The following FBXL3 variants were observed in gnomAD, a reference collection of about 807,000 sequenced individuals.
FBXL3 encodes F-box/LRR-repeat protein 3.
In FBXL3, 14 loss-of-function variants were observed where a neutral mutation model predicts 37.9. That is an observed-to-expected ratio of 0.37 (90% CI 0.24 to 0.58). FBXL3 has a LOEUF of 0.58. FBXL3 is among the 20% of genes least tolerant of loss of function. FBXL3 has a pLI of 0.74. For missense variants in FBXL3, 327 were observed against 511.1 expected (o/e 0.64, Z 3.47); for synonymous variants, 194 against 180.1 (o/e 1.08, Z -0.62).
At chr13:77,012,057 C>G (rs893289226) in intron 4 of FBXL3, among the ~76,000 whole-genome samples, 14 of 152,134 alleles carry the variant, frequency 9.2e-5, no homozygotes, top group African/African-American at 3.4e-4. Context: ...GGCAAATCTA[C>G]AGAGACAGAA....
chr13:77,025,703 A>AC (rs1413129677), intron 1 of FBXL3, among the ~76,000 whole-genome samples: 1 of 151,504 alleles, frequency 6.6e-6, no homozygotes, highest in African/African-American at 2.4e-5. Flanking sequence ...AAAAAAAAAA[A>AC]AAAAAAAAAC....
intron 2 of FBXL3, 100 bp downstream of exon 2, chr13:77,021,413 G>A: frequency 1.1e-6 from 1 of 917,320 alleles, no homozygotes; most frequent in Non-Finnish European, 1.6e-6. Flanking sequence ...CATTTTCCCT[G>A]AAAAAGCAAA....
chr13:77,015,596 AAT>A lies in FBXL3; in HGVS notation c.472-18_472-17del. On this transcript the variant is annotated splice_polypyrimidine_tract_variant and intron_variant, in intron 3 of 4. Coordinates refer to ENST00000355619, the MANE Select transcript of FBXL3 (RefSeq NM_012158.4). ...TAAAGTGAGACTGAAAAGCAAAAAA[AAT>A]AAAATAAAAATTATTTCAATTTTTA... 1.4e-6 allele frequency: 2 copies of A among 1,465,618 alleles called. No homozygotes were observed. The highest frequency in any genetic ancestry group is 9.1e-7 in the Non-Finnish European group (1 of 1,102,686). The allele number at this position is 1,465,618 out of a possible 1,614,324, so 90.8% of individuals were successfully genotyped here.
Position 77,021,675 on chromosome 13 carries a change from A to C in FBXL3, c.186T>G (p.Val62=), listed in dbSNP as rs200439361. The C allele has an allele frequency of 6.2e-7, 1 of 1,614,116 alleles. No homozygotes were observed. The highest frequency in any genetic ancestry group is 8.5e-7 in the Non-Finnish European group (1 of 1,180,022). ...GAAATACCTGGTTCCAGTTGCGGCAAACTTGTGAAGCATGAGCCCGGTCAA... is the reference window on the plus strand; with the variant it reads ...GAAATACCTGGTTCCAGTTGCGGCACACTTGTGAAGCATGAGCCCGGTCAA... ...PLLDRAHASQ[V]CRNWNQVFHM... is the part of the protein sequence containing the mutation. Residue 62 remains valine (V), a synonymous_variant, in exon 2 of 5, where the codon GTT becomes GTG. Coordinates refer to ENST00000355619, the MANE Select transcript of FBXL3 (RefSeq NM_012158.4).
At chr13:77,015,026 A>C (rs1375170252) in intron 4 of FBXL3, 2 of 153,570 alleles carry the variant, frequency 1.3e-5, no homozygotes, top group African/African-American at 4.8e-5. Flanking sequence ...CTCCCTCTAC[A>C]TAGTGAGAAG....
chr13:77,019,946 G>A (rs945802134), intron 2 of FBXL3, among the ~76,000 whole-genome samples: 10 of 151,250 alleles, frequency 6.6e-5, no homozygotes, highest in African/African-American at 2.2e-4. Context: ...AAATGACCCA[G>A]CAAATCTACT....
intron 1 of FBXL3, among the ~76,000 whole-genome samples, chr13:77,024,967 T>C (rs1470643541): frequency 6.6e-6 from 1 of 152,230 alleles, no homozygotes; most frequent in African/African-American, 2.4e-5. Flanking sequence ...AATGTCAATT[T>C]TTCCAAGTTG....
Position 77,017,503 on chromosome 13 carries a change from A to G in FBXL3, c.471+1097T>C, listed in dbSNP as rs945431775. ...AATCAGAATCACCTGGACTGCTCAC[A>G]GGAAGAGAAGACTTAGAATCACCCC... On this transcript the variant is annotated intron_variant, in intron 3 of 4. Coordinates refer to ENST00000355619, the MANE Select transcript of FBXL3 (RefSeq NM_012158.4). The G allele has an allele frequency of 6.6e-5, 10 of 152,292 alleles. No homozygotes were observed. The East Asian group carries it at 1.5e-3, about 24-fold the overall frequency. 9.4% of individuals were successfully genotyped at this position (152,292 alleles called of 1,614,324 possible).
At chr13:77,016,086 CAAAA>C (rs1249397423) in intron 3 of FBXL3, 3 of 152,108 alleles carry the variant, frequency 2.0e-5, no homozygotes. Flanking sequence ...ATAAAACAAT[CAAAA>C]TAATACTTAA....
In FBXL3 at chr13:77,018,421, T is replaced by TA. The variant is rs5804888; in HGVS notation, c.471+178dup. The stretch of plus-strand genomic sequence containing the variant: ...ATACCAATTTAGAAGTATGGTGATT[T>TA]AAAAAAAAAAAAAAAAAAGCTTAAA... On this transcript the variant is annotated intron_variant, in intron 3 of 4. Coordinates refer to ENST00000355619, the MANE Select transcript of FBXL3 (RefSeq NM_012158.4). 1.2e-3 allele frequency: 355 copies of TA among 292,694 alleles called. 1 individual carries two copies. Among genetic ancestry groups the TA allele is most frequent in the South Asian group, 5.2e-3 (38 of 7,324 alleles). 18.1% of individuals were successfully genotyped at this position (292,694 alleles called of 1,614,324 possible).
At chr13:77,018,853 T>A (rs1042009386) in intron 2 of FBXL3, 131 bp from the exon 3 acceptor site, 2 of 689,692 alleles carry the variant, frequency 2.9e-6, no homozygotes, top group Non-Finnish European at 4.2e-6. Context: ...TTTATAGAAG[T>A]ATCATTACTA....
At chr13:77,018,913 A>C in intron 2 of FBXL3, 191 bp from the exon 3 acceptor site, 1 of 449,096 alleles carries the variant, frequency 2.2e-6, no homozygotes. Context: ...TCCACCCTCC[A>C]CCCTCACCTC....
intron 3 of FBXL3, chr13:77,017,919 T>C (rs929104192): frequency 6.6e-6 from 1 of 152,044 alleles, no homozygotes; most frequent in Admixed American, 6.6e-5. Flanking sequence ...GAAAAAAATA[T>C]CAAATTATTG....
chr13:77,017,447 A>T (rs1441393672), intron 3 of FBXL3: 1 of 152,134 alleles, frequency 6.6e-6, no homozygotes, highest in Non-Finnish European at 1.5e-5. Flanking sequence ...TGTAACTAGT[A>T]TTTCTTAGCG....
chr13:77,018,449 A>G, intron 3 of FBXL3, 151 bp downstream of exon 3: 1 of 526,128 alleles, frequency 1.9e-6, no homozygotes, highest in Non-Finnish European at 2.9e-6. Flanking sequence ...AGCTTAAAAA[A>G]ATACTATTTA....
intron 1 of FBXL3, among the ~76,000 whole-genome samples, chr13:77,025,664 G>A (rs1305793137): frequency 1.6e-5 from 2 of 128,942 alleles, no homozygotes; most frequent in Non-Finnish European, 3.2e-5. Flanking sequence ...CTCCAGCCTG[G>A]GTGACAAAGT....
chr13:77,025,708 A>AAAAC (rs2034825693), intron 1 of FBXL3, among the ~76,000 whole-genome samples: 1 of 151,470 alleles, frequency 6.6e-6, no homozygotes, highest in East Asian at 1.9e-4. Context: ...AAAAAAAAAA[A>AAAAC]AAAACTTTGA....
chr13:77,021,950 G>A, intron 1 of FBXL3, 89 bp from the exon 2 acceptor site: 1 of 1,021,780 alleles, frequency 9.8e-7, no homozygotes, highest in African/African-American at 1.6e-5. Flanking sequence ...TGAGATGTGT[G>A]TTTATATACA....
intron 1 of FBXL3, among the ~76,000 whole-genome samples, chr13:77,025,854 A>G (rs933502898): frequency 6.6e-6 from 1 of 152,218 alleles, no homozygotes; most frequent in Non-Finnish European, 1.5e-5. Flanking sequence ...CTATTTTGGC[A>G]TCACAGTTCC....
Sources: allele counts gnomAD v4.1 joint callset (sites outside exome capture counted in the v4.1 genomes callset), GRCh38; gene constraint gnomAD v4.1.1; transcripts MANE v1.5; gene names NCBI Gene and HGNC (gene_info 2026-07-23, HGNC 2026-07-21).